CFAP53: variants seen among roughly 807,000 people sequenced by gnomAD.
CFAP53 encodes the protein cilia and flagella associated protein 53, also known as cilia- and flagella-associated protein 53.
Under a neutral mutation model 59.7 loss-of-function variants are expected in CFAP53, and 62 were observed. The observed-to-expected ratio is 1.04, with a 90% CI of 0.85 to 1.28. The LOEUF (loss-of-function observed/expected upper bound fraction) is 1.28, where lower values mean the gene tolerates loss of function less well. Among genes scored for constraint, CFAP53 ranks in the 50% most tolerant of loss-of-function variants. CFAP53 has a pLI of 0.00. For synonymous variants in CFAP53, 218 were observed against 205.7 expected, an observed-to-expected ratio of 1.06 and a Z score of -0.51; for missense variants, 629 against 615.6, an observed-to-expected ratio of 1.02 and a Z score of -0.23.
chr18:50,235,549 G>A (rs1033186914), intron 7 of CFAP53, among the ~76,000 whole-genome samples: 1 of 151,982 alleles, frequency 6.6e-6, no homozygotes, highest in Non-Finnish European at 1.5e-5. Flanking sequence ...GCCTTGACAA[G>A]AGCGAAATTC....
At chr18:50,240,722 A>T (rs530445804) in intron 6 of CFAP53, among the ~76,000 whole-genome samples, 35 of 152,354 alleles carry the variant, frequency 2.3e-4, no homozygotes, top group African/African-American at 8.2e-4. Flanking sequence ...GCAGTTTCTA[A>T]AAGTTCCATC....
At chr18:50,228,829 T>A (rs1303593888) in intron 7 of CFAP53, among the ~76,000 whole-genome samples, 3 of 151,254 alleles carry the variant, frequency 2.0e-5, no homozygotes, top group East Asian at 2.0e-4. Context: ...AACAAAAAAA[T>A]TTACATAGGT....
chr18:50,243,947 G>C (rs138063112), intron 5 of CFAP53, among the ~76,000 whole-genome samples: 2 of 146,188 alleles, frequency 1.4e-5, no homozygotes, highest in Non-Finnish European at 3.0e-5. Context: ...GCGAGACTCC[G>C]TTTCAAAAAA....
At chr18:50,232,764 C>G (rs1395186737) in intron 7 of CFAP53, among the ~76,000 whole-genome samples, 1 of 152,240 alleles carries the variant, frequency 6.6e-6, no homozygotes, top group East Asian at 1.9e-4. Context: ...TGCTAATGCT[C>G]TCCCTGGCGG....
rs2033707564 is a variant in CFAP53 at position 50,243,080 on chromosome 18, A to G, written c.1033T>C (p.Tyr345His). The change falls in exon 6 of 8, where the codon TAT becomes CAT. Residue 345 changes from tyrosine (Y) to histidine (H), a missense_variant. Tyr to His is a moderately conservative substitution (Grantham distance 83). Transcript: ENST00000398545. The part of the protein sequence containing the change: ...MIREQKIYHK[Y>H]LAQRREEEKA... ...TCTTCCTCACGTCTCTGTGCCAAAT[A>G]TTTATGGTATATCTTCTGTTCTCTT... is the stretch of plus-strand genomic sequence containing the variant. 1.2e-6 allele frequency: 2 copies of G among 1,613,084 alleles called. No homozygotes were observed. Among genetic ancestry groups the G allele is most frequent in the Non-Finnish European group, 1.7e-6 (2 of 1,179,506 alleles).
In CFAP53 at chr18:50,261,176, C is replaced by G. The variant is rs1277994104; in HGVS notation, c.361G>C (p.Glu121Gln). The change falls in exon 3 of 8, where the codon GAA becomes CAA. Residue 121 changes from glutamate (E) to glutamine (Q), a missense_variant. Physicochemically the swap from Glu to Gln is conservative, Grantham distance 29. Transcript: ENST00000398545. ...CTATCTTTTTTCTCCTCAATGGTTT[C>G]TTTCTTCAATTGCATTTCTGTAAAA... The part of the protein sequence containing the change: ...EYFTEMQLKK[E>Q]TIEEKKDRMR... 5 of 1,562,874 alleles carry G rather than the reference C, an allele frequency of 3.2e-6. No individual in the cohort carries two copies. The highest frequency in any genetic ancestry group is 4.3e-6 in the Non-Finnish European group (5 of 1,163,098).
chr18:50,261,107 C>G lies in CFAP53; in HGVS notation c.430G>C (p.Glu144Gln). 6.2e-7 allele frequency: 1 copy of G among 1,600,890 alleles called. No individual in the cohort carries two copies. The highest frequency in any genetic ancestry group is 1.3e-5 in the African/African-American group (1 of 74,128). Residue 144 changes from glutamate to glutamine, a missense_variant, in exon 3 of 8, where the codon GAG becomes CAG. Coordinates refer to ENST00000398545, the MANE Select transcript of CFAP53 (RefSeq NM_145020.5). Reference sequence around the variant, plus strand: ...TTTTCAGCCACAAAATCCTGCCTCTCTTTTTCATTCTTCTCTTTTAGTAAT... The same window carrying G: ...TTTTCAGCCACAAAATCCTGCCTCTGTTTTTCATTCTTCTCTTTTAGTAAT... ...TKLLKEKNEK[E>Q]RQDFVAEKLD...
At chr18:50,261,042 G>C in intron 3 of CFAP53, 22 bp downstream of exon 3, 4 of 1,585,276 alleles carry the variant, frequency 2.5e-6, no homozygotes, top group Non-Finnish European at 3.4e-6. Flanking sequence ...GATTCTGTTT[G>C]TGTGTTTTCT....
chr18:50,257,655 GAAT>G (rs2144430784), intron 3 of CFAP53, among the ~76,000 whole-genome samples: 1 of 152,284 alleles, frequency 6.6e-6, no homozygotes, highest in Admixed American at 6.5e-5. Flanking sequence ...TGGATTGGAA[GAAT>G]CAATATTATT....
At chr18:50,262,790 G>A (rs2033907696) in intron 1 of CFAP53, among the ~76,000 whole-genome samples, 1 of 152,134 alleles carries the variant, frequency 6.6e-6, no homozygotes, top group Non-Finnish European at 1.5e-5. Flanking sequence ...AACGAGTTGT[G>A]ATAATGAAAG....
intron 3 of CFAP53, among the ~76,000 whole-genome samples, chr18:50,253,179 G>C (rs1367328975): frequency 6.6e-6 from 1 of 152,094 alleles, no homozygotes; most frequent in Non-Finnish European, 1.5e-5. Context: ...ACCACGCCTG[G>C]AGAATTTTTT....
chr18:50,229,691 T>C (rs910501967), intron 7 of CFAP53, among the ~76,000 whole-genome samples: 2 of 152,018 alleles, frequency 1.3e-5, no homozygotes, highest in African/African-American at 4.8e-5. Flanking sequence ...AATTTTACAA[T>C]TTATAAGCCA....
intron 3 of CFAP53, among the ~76,000 whole-genome samples, chr18:50,255,769 T>C (rs1244857666): frequency 5.3e-5 from 8 of 152,086 alleles, no homozygotes; most frequent in African/African-American, 1.9e-4. Context: ...GACATGTCTA[T>C]TCATCGTAGA....
intron 5 of CFAP53, among the ~76,000 whole-genome samples, chr18:50,243,883 C>T (rs980540763): frequency 2.0e-5 from 3 of 150,910 alleles, no homozygotes; most frequent in Non-Finnish European, 4.4e-5. Flanking sequence ...ACCCAGGAGG[C>T]GGAGCTTGCA....
intron 7 of CFAP53, among the ~76,000 whole-genome samples, chr18:50,229,726 C>CT (rs200521172): frequency 8.3e-6 from 1 of 121,044 alleles, no homozygotes; most frequent in East Asian, 2.5e-4. Context: ...TAGTCTCTTT[C>CT]TTTTTTTCTT....
At position 50,249,615 on chromosome 18, in the gene CFAP53, G is replaced by T. The variant is rs558025242; in HGVS notation, c.996+1143C>A. On this transcript the variant is annotated intron_variant, in intron 5 of 7. Transcript: ENST00000398545. Reference sequence around the variant, plus strand: ...CTGAGGGTTATGCTAAGTGAAAAAGGCTATCTGAAAAGATTACACACTATA... The same window carrying T: ...CTGAGGGTTATGCTAAGTGAAAAAGTCTATCTGAAAAGATTACACACTATA... Among the ~76,000 whole-genome samples the T allele has an allele frequency of 5.9e-5, 9 of 152,174 alleles. No homozygotes were observed. In the South Asian group the frequency reaches 1.9e-3, roughly 32 times the overall value.
At chr18:50,255,483 A>G (rs769805578) in intron 3 of CFAP53, among the ~76,000 whole-genome samples, 5 of 151,910 alleles carry the variant, frequency 3.3e-5, no homozygotes, top group Non-Finnish European at 5.9e-5. Flanking sequence ...AGATATAACC[A>G]TTGAGGGAAA....
At chr18:50,239,603 T>C (rs943440084) in intron 6 of CFAP53, among the ~76,000 whole-genome samples, 1 of 152,188 alleles carries the variant, frequency 6.6e-6, no homozygotes, top group Non-Finnish European at 1.5e-5. Context: ...GTAAAAAGAT[T>C]AGAAACAATA....
chr18:50,255,869 CAA>C (rs71169498), intron 3 of CFAP53, among the ~76,000 whole-genome samples: 1 of 146,046 alleles, frequency 6.8e-6, no homozygotes. Context: ...CAATGGAATA[CAA>C]AAAAAAAAAG....
Sources: allele counts gnomAD v4.1 joint callset (sites outside exome capture counted in the v4.1 genomes callset), GRCh38; gene constraint gnomAD v4.1.1; transcripts MANE v1.5; gene names NCBI Gene and HGNC (gene_info 2026-07-23, HGNC 2026-07-21).